ITFG1: variants seen among roughly 807,000 people sequenced by gnomAD.
ITFG1 encodes integrin alpha FG-GAP repeat containing 1, also known as T-cell immunomodulatory protein.
Under a neutral mutation model 81.8 loss-of-function variants are expected in ITFG1, and 34 were observed. The observed-to-expected ratio is 0.42, with a 90% CI of 0.32 to 0.55. The LOEUF (loss-of-function observed/expected upper bound fraction) is 0.55. ITFG1 is among the 20% of genes least tolerant of loss of function. The probability of loss-of-function intolerance (pLI) is 0.17; values close to 1 mark genes in which losing one functional copy is unlikely to be tolerated. For synonymous variants in ITFG1, 285 were observed against 270.6 expected (o/e 1.05, Z -0.52); for missense variants, 672 against 755.4 (o/e 0.89, Z 1.29).
At chr16:47,299,436 G>A (rs762912532) in intron 10 of ITFG1, 3 of 86,050 alleles carry the variant, frequency 3.5e-5, no homozygotes, top group African/African-American at 5.5e-5. Context: ...TGGGAAATAG[G>A]GGGGAAAGCT....
chr16:47,179,241 A>G (rs957831342), intron 14 of ITFG1, among the ~76,000 whole-genome samples: 4 of 152,160 alleles, frequency 2.6e-5, no homozygotes, highest in Admixed American at 6.5e-5. Context: ...ATACCCAAAG[A>G]ATTATAAATC....
intron 10 of ITFG1, among the ~76,000 whole-genome samples, chr16:47,302,004 G>A (rs1402400379): frequency 6.6e-6 from 1 of 151,566 alleles, no homozygotes; most frequent in Non-Finnish European, 1.5e-5. Context: ...CCATATAGAT[G>A]TGACCTTGTC....
intron 5 of ITFG1, among the ~76,000 whole-genome samples, chr16:47,431,481 G>A (rs961521006): frequency 6.6e-6 from 1 of 152,286 alleles, no homozygotes; most frequent in East Asian, 1.9e-4. Context: ...CCTGGCCTCT[G>A]ACCCTGTCCA....
rs1274090575 is a variant in ITFG1 at position 47,428,809 on chromosome 16, G to T, written c.650C>A (p.Thr217Lys). Residue 217 changes from threonine (T) to lysine (K), a missense_variant, in exon 6 of 18, where the codon ACA becomes AAA. Physicochemically the swap from Thr to Lys is moderately conservative, Grantham distance 78 (BLOSUM62 -1). This residue lies in a region of ITFG1 where 560 missense variants were observed against 625.7 expected (regional missense o/e 0.90). Coordinates refer to ENST00000320640, the MANE Select transcript of ITFG1 (RefSeq NM_030790.5). ...HAFIDLTEDF[T>K]ADLFLTTLNA... The stretch of plus-strand genomic sequence containing the variant: ...CAGATTTATGTGCAACTCACCTGCT[G>T]TAAAATCTTCAGTCAGATCAATAAA... 3.7e-6 allele frequency: 6 copies of T among 1,603,542 alleles called. No individual in the cohort carries two copies. In the Admixed American group the frequency reaches 8.4e-5, roughly 22 times the overall value.
At chr16:47,357,841 T>C (rs1968060980) in intron 8 of ITFG1, among the ~76,000 whole-genome samples, 1 of 152,134 alleles carries the variant, frequency 6.6e-6, no homozygotes, top group Non-Finnish European at 1.5e-5. Context: ...ATGTTGAATA[T>C]GTAAAAAGTC....
intron 6 of ITFG1, among the ~76,000 whole-genome samples, chr16:47,405,596 G>C (rs1283774368): frequency 6.6e-6 from 1 of 152,160 alleles, no homozygotes; most frequent in Non-Finnish European, 1.5e-5. Context: ...GGGCTCCATG[G>C]AGAAGCTGCT....
At chr16:47,319,903 C>T (rs1967422685) in intron 8 of ITFG1, among the ~76,000 whole-genome samples, 1 of 152,102 alleles carries the variant, frequency 6.6e-6, no homozygotes. Flanking sequence ...AGGGAGCCAC[C>T]CCTCCAGAGG....
intron 17 of ITFG1, among the ~76,000 whole-genome samples, chr16:47,156,126 CAAT>C (rs1427676654): frequency 3.3e-5 from 5 of 152,212 alleles, no homozygotes; most frequent in African/African-American, 4.8e-5. Context: ...TCATTTTTAA[CAAT>C]GATGTTAATA....
chr16:47,309,690 G>A (rs1967227033), intron 10 of ITFG1, among the ~76,000 whole-genome samples: 1 of 152,112 alleles, frequency 6.6e-6, no homozygotes, highest in South Asian at 2.1e-4. Context: ...ATGGTATTAA[G>A]ACTTTCATAA....
intron 13 of ITFG1, among the ~76,000 whole-genome samples, chr16:47,232,965 T>G (rs1341105320): frequency 6.6e-6 from 1 of 152,166 alleles, no homozygotes; most frequent in Admixed American, 6.5e-5. Flanking sequence ...TACTGATTTA[T>G]ACTTTCATAG....
intron 6 of ITFG1, among the ~76,000 whole-genome samples, chr16:47,380,549 GC>G (rs1968383411): frequency 6.6e-6 from 1 of 152,200 alleles, no homozygotes; most frequent in Admixed American, 6.5e-5. Context: ...ACTGGCAGGA[GC>G]CAGAAGAGTG....
At chr16:47,428,089 G>A (rs920668972) in intron 6 of ITFG1, among the ~76,000 whole-genome samples, 18 of 152,162 alleles carry the variant, frequency 1.2e-4, no homozygotes, top group African/African-American at 2.4e-5. Context: ...AGCTGTGATC[G>A]CATGTACTAC....
At chr16:47,242,673 T>C (rs1156418837) in intron 12 of ITFG1, among the ~76,000 whole-genome samples, 1 of 152,106 alleles carries the variant, frequency 6.6e-6, no homozygotes, top group Admixed American at 6.5e-5. Flanking sequence ...AATAACCCCT[T>C]GGGTTGGTGA....
intron 12 of ITFG1, among the ~76,000 whole-genome samples, chr16:47,244,003 C>G (rs929167998): frequency 3.3e-5 from 5 of 152,128 alleles, no homozygotes; most frequent in Admixed American, 6.5e-5. Context: ...TGGACTCCAG[C>G]CTGGGCGATA....
At position 47,460,887 on chromosome 16, in the gene ITFG1, G is replaced by A. The variant is rs1597000163; in HGVS notation, c.159C>T (p.Phe53=). The change falls in exon 1 of 18, where the codon TTC becomes TTT. Residue 53 remains phenylalanine (F), a synonymous_variant. Transcript: ENST00000320640. ...GAEAWGTLAA[F]GDLNSDKQTD... is the part of the protein sequence containing the mutation. ...TCTGCTTGTCGGAGTTGAGGTCCCCGAAAGCCGCAAGGGTGCCCCAGGCCT... is the reference window on the plus strand; with the variant it reads ...TCTGCTTGTCGGAGTTGAGGTCCCCAAAAGCCGCAAGGGTGCCCCAGGCCT... 6.2e-7 allele frequency: 1 copy of A among 1,613,676 alleles called. No individual in the cohort carries two copies. Among genetic ancestry groups the A allele is most frequent in the Non-Finnish European group, 8.5e-7 (1 of 1,179,992 alleles).
chr16:47,384,493 A>G (rs1244419660), intron 6 of ITFG1, among the ~76,000 whole-genome samples: 1 of 152,198 alleles, frequency 6.6e-6, no homozygotes, highest in Non-Finnish European at 1.5e-5. Context: ...CCTGGTCTTA[A>G]TGAAATAACC....
chr16:47,289,145 G>A (rs995186807), intron 10 of ITFG1, among the ~76,000 whole-genome samples: 1 of 152,140 alleles, frequency 6.6e-6, no homozygotes, highest in Non-Finnish European at 1.5e-5. Context: ...TTAATGTGGT[G>A]TATCACATTT....
At chr16:47,254,467 G>A (rs930862803) in intron 12 of ITFG1, among the ~76,000 whole-genome samples, 2 of 151,928 alleles carry the variant, frequency 1.3e-5, no homozygotes, top group Admixed American at 6.6e-5. Context: ...ATTCCCATCC[G>A]TTCTACCTGG....
At chr16:47,442,871 C>T (rs1252694436) in intron 5 of ITFG1, among the ~76,000 whole-genome samples, 2 of 152,272 alleles carry the variant, frequency 1.3e-5, no homozygotes, top group Non-Finnish European at 2.9e-5. Context: ...ACACCAAAAG[C>T]AATGGCAACA....
Sources: allele counts gnomAD v4.1 joint callset (sites outside exome capture counted in the v4.1 genomes callset), GRCh38; gene constraint gnomAD v4.1.1; regional missense constraint gnomAD v4.1.1; transcripts MANE v1.5; gene names NCBI Gene and HGNC (gene_info 2026-07-23, HGNC 2026-07-21).